The following DGKH variants were observed in gnomAD, a reference collection of about 807,000 sequenced individuals.
The protein encoded by DGKH is diacylglycerol kinase eta.
A neutral mutation model predicts 159.3 loss-of-function variants in DGKH; 90 were observed. That is an observed-to-expected ratio of 0.57 (90% CI 0.48 to 0.67). The LOEUF (loss-of-function observed/expected upper bound fraction) is 0.67, where lower values mean the gene tolerates loss of function less well. DGKH is among the 30% of genes least tolerant of loss of function. DGKH has a pLI of 0.00. For synonymous variants in DGKH, 536 were observed against 553.8 expected (o/e 0.97, Z 0.45); for missense variants, 1,181 against 1,506.1 (o/e 0.78, Z 3.57).
intron 3 of DGKH, among the ~76,000 whole-genome samples, chr13:42,144,734 G>A (rs1294551999): frequency 4.0e-5 from 6 of 151,586 alleles, no homozygotes; most frequent in South Asian, 2.1e-4. Context: ...TCCATCACAC[G>A]TGGTCTTATT....
intron 1 of DGKH, among the ~76,000 whole-genome samples, chr13:42,077,016 C>T (rs1409619363): frequency 1.3e-5 from 2 of 152,092 alleles, no homozygotes; most frequent in Admixed American, 1.3e-4. Flanking sequence ...TTTTCTTCAT[C>T]ACCTTTTATA....
chr13:42,159,158 A>T (rs986528863), intron 5 of DGKH, 108 bp from the exon 6 acceptor site: 4 of 605,164 alleles, frequency 6.6e-6, no homozygotes, highest in Non-Finnish European at 1.1e-5. Context: ...GTTTTCTTCT[A>T]CTTCCTCCTT....
intron 3 of DGKH, among the ~76,000 whole-genome samples, chr13:42,152,941 G>T (rs1955950362): frequency 6.6e-6 from 1 of 152,152 alleles, no homozygotes; most frequent in Non-Finnish European, 1.5e-5. Context: ...TAGCATCTGG[G>T]GGTGTGTTAC....
Position 42,190,464 on chromosome 13 carries a change from C to A in DGKH, c.1974C>A (p.Ser658Arg). 1 of 1,611,532 alleles carries A rather than the reference C, an allele frequency of 6.2e-7. No individual in the cohort carries two copies. Among genetic ancestry groups the A allele is most frequent in the Non-Finnish European group, 8.5e-7 (1 of 1,178,982 alleles). Reference sequence around the variant, plus strand: ...CTAATCAGTCCTCTGATTATGACAGCACAGAAACAGATGAATCTAAGGAGG... The same window carrying A: ...CTAATCAGTCCTCTGATTATGACAGAACAGAAACAGATGAATCTAAGGAGG... ...EPANQSSDYD[S>R]TETDESKEEA... is the part of the protein sequence containing the mutation. The change falls in exon 16 of 30, where the codon AGC (serine) becomes AGA (arginine). Residue 658 changes from serine (S) to arginine (R), a missense_variant. Around this residue, in one of 5 missense-constraint regions of DGKH, gnomAD observed 257 missense variants for 281.5 expected, o/e 0.91. Coordinates refer to ENST00000337343, the MANE Select transcript of DGKH (RefSeq NM_178009.5).
At chr13:42,167,556 A>C (rs2138012366) in intron 9 of DGKH, among the ~76,000 whole-genome samples, 1 of 151,960 alleles carries the variant, frequency 6.6e-6, no homozygotes, top group Middle Eastern at 3.4e-3. Flanking sequence ...TATCTTGCTA[A>C]GTCTCAGGCC....
intron 1 of DGKH, among the ~76,000 whole-genome samples, chr13:42,065,811 TTGTC>T (rs1485784178): frequency 6.6e-6 from 1 of 152,228 alleles, no homozygotes; most frequent in African/African-American, 2.4e-5. Flanking sequence ...AACCCCATGT[TTGTC>T]TGTAGGCTGA....
In DGKH at chr13:42,165,736, A is replaced by G. The variant is rs75012973; in HGVS notation, c.958+303A>G. 3.7e-3 allele frequency among the ~76,000 whole-genome samples: 544 copies of G among 146,500 alleles called. 8 individuals are homozygous for G. In the East Asian group the frequency reaches 0.047, roughly 13 times the overall value. ...ATACAATCTGAAAAGGTTAATTTTTATAAGTGTTTTTTTCCTCTATAATTG... is the reference window on the plus strand; with the variant it reads ...ATACAATCTGAAAAGGTTAATTTTTGTAAGTGTTTTTTTCCTCTATAATTG... On this transcript the variant is annotated intron_variant, in intron 8 of 29. Coordinates refer to ENST00000337343, the MANE Select transcript of DGKH (RefSeq NM_178009.5).
chr13:42,101,391 G>C (rs1458772418), intron 1 of DGKH, among the ~76,000 whole-genome samples: 1 of 152,248 alleles, frequency 6.6e-6, no homozygotes, highest in Non-Finnish European at 1.5e-5. Context: ...GTCTAGTACA[G>C]TAGCCACTAG....
intron 1 of DGKH, among the ~76,000 whole-genome samples, chr13:42,099,216 T>G (rs1039613819): frequency 7.9e-5 from 12 of 152,220 alleles, no homozygotes; most frequent in Non-Finnish European, 1.6e-4. Context: ...CTTGTGTTTC[T>G]TTGCCTTATT....
At chr13:42,058,797 A>C (rs577060941) in intron 1 of DGKH, among the ~76,000 whole-genome samples, 6 of 152,286 alleles carry the variant, frequency 3.9e-5, no homozygotes, top group African/African-American at 1.4e-4. Context: ...TCCATGCCTT[A>C]TGTTTTCCCT....
At chr13:42,200,564 T>C (rs1957324518) in intron 20 of DGKH, among the ~76,000 whole-genome samples, 1 of 152,240 alleles carries the variant, frequency 6.6e-6, no homozygotes, top group Non-Finnish European at 1.5e-5. Flanking sequence ...GTCTTTCCTA[T>C]CTTGTATCTT....
intron 3 of DGKH, among the ~76,000 whole-genome samples, chr13:42,147,107 CGAAG>C (rs894262805): frequency 8.6e-5 from 13 of 151,728 alleles, no homozygotes; most frequent in Admixed American, 6.6e-4. Context: ...GCTGTGTGGC[CGAAG>C]GGAGGGGAGA....
intron 29 of DGKH, among the ~76,000 whole-genome samples, chr13:42,225,515 C>T (rs1462043427): frequency 1.3e-5 from 2 of 152,186 alleles, no homozygotes; most frequent in South Asian, 2.1e-4. Context: ...TGGCTTATCC[C>T]TGTAATCCCA....
chr13:42,175,959 A>G (rs998725741), intron 12 of DGKH, among the ~76,000 whole-genome samples: 3 of 152,192 alleles, frequency 2.0e-5, no homozygotes. Flanking sequence ...CAGAGGGGTA[A>G]ATATATACAG....
chr13:42,214,783 A>AT (rs1407507253), intron 25 of DGKH, among the ~76,000 whole-genome samples, 171 bp downstream of exon 25: 1 of 151,924 alleles, frequency 6.6e-6, no homozygotes, highest in Non-Finnish European at 1.5e-5. Context: ...TTTTCCTGTT[A>AT]TTTTTTCATT....
intron 1 of DGKH, among the ~76,000 whole-genome samples, chr13:42,099,045 AG>A (rs1954602692): frequency 6.6e-6 from 1 of 152,324 alleles, no homozygotes; most frequent in Middle Eastern, 3.4e-3. Context: ...GGATAGCAAG[AG>A]GTTGCTTCAT....
rs993025207 is a variant in DGKH, at chr13:42,235,411, AT to A, written c.*6226del. The A allele has an allele frequency of 1.2e-4, 18 of 152,298 alleles. No individual in the cohort carries two copies. The highest frequency in any genetic ancestry group is 4.1e-4 in the African/African-American group (17 of 41,588). The allele number at this position is 152,298 out of a possible 1,614,324, so 9.4% of individuals were successfully genotyped here. A position where few individuals can be genotyped will look rare whatever the true frequency, so the allele number is the denominator to read the frequency against. On this transcript the variant is annotated 3_prime_UTR_variant, in exon 30 of 30. Transcript: ENST00000337343. ...AGTCTGGGTATTTCATAGGAACTGC[AT>A]TTCAAAAGTGAATTAACCAAACCTA... is the stretch of plus-strand genomic sequence containing the variant.
At chr13:42,070,865 T>G in intron 1 of DGKH, 5 of 1,301,178 alleles carry the variant, frequency 3.8e-6, no homozygotes, top group Non-Finnish European at 5.6e-6. Context: ...ACTTTCACAA[T>G]GTTATCATGG....
intron 3 of DGKH, among the ~76,000 whole-genome samples, chr13:42,139,107 A>C (rs1451681130): frequency 6.6e-6 from 1 of 152,182 alleles, no homozygotes; most frequent in Non-Finnish European, 1.5e-5. Flanking sequence ...ATAGCTCTTA[A>C]GGTTATTATT....
Sources: allele counts gnomAD v4.1 joint callset (sites outside exome capture counted in the v4.1 genomes callset), GRCh38; gene constraint gnomAD v4.1.1; regional missense constraint gnomAD v4.1.1; transcripts MANE v1.5; gene names NCBI Gene and HGNC (gene_info 2026-07-23, HGNC 2026-07-21).